Variants in NALF1 observed in about 807,000 individuals in gnomAD.
The protein encoded by NALF1 is family with sequence similarity 155 member A.
In NALF1, 3 loss-of-function variants were observed where a neutral mutation model predicts 48.4. The observed-to-expected ratio is 0.06, with a 90% CI of 0.03 to 0.16. The LOEUF (loss-of-function observed/expected upper bound fraction) is 0.16, where lower values mean the gene tolerates loss of function less well. Ranked by LOEUF, NALF1 falls within the 10% of genes least tolerant of loss-of-function variation. The probability of loss-of-function intolerance (pLI) is 1.00; values close to 1 mark genes in which losing one functional copy is unlikely to be tolerated. For missense variants in NALF1, 526 were observed against 571.5 expected, an observed-to-expected ratio of 0.92 and a Z score of 0.81; for synonymous variants, 262 against 245.7, an observed-to-expected ratio of 1.07 and a Z score of -0.62.
At chr13:107,496,245 C>T (rs898564009) in intron 1 of NALF1, among the ~76,000 whole-genome samples, 1 of 152,120 alleles carries the variant, frequency 6.6e-6, no homozygotes, top group Non-Finnish European at 1.5e-5. Flanking sequence ...AAATATCAGA[C>T]ATTTTAGGCA....
intron 1 of NALF1, among the ~76,000 whole-genome samples, chr13:107,756,293 A>G (rs980500335): frequency 1.3e-5 from 2 of 152,082 alleles, no homozygotes; most frequent in Non-Finnish European, 2.9e-5. Flanking sequence ...GTTCAGAGTG[A>G]CACCTGAATT....
At chr13:107,702,915 A>C (rs1881859032) in intron 1 of NALF1, among the ~76,000 whole-genome samples, 1 of 152,164 alleles carries the variant, frequency 6.6e-6, no homozygotes, top group Non-Finnish European at 1.5e-5. Context: ...CATGGTGTAT[A>C]TGTACCACCT....
At chr13:107,686,734 A>G (rs1480874980) in intron 1 of NALF1, among the ~76,000 whole-genome samples, 1 of 132,594 alleles carries the variant, frequency 7.5e-6, no homozygotes, top group African/African-American at 2.8e-5. Context: ...AATGCAAGTT[A>G]CAACCACAAT....
At chr13:107,308,449 G>A (rs751393825) in intron 1 of NALF1, among the ~76,000 whole-genome samples, 29 of 151,938 alleles carry the variant, frequency 1.9e-4, no homozygotes, top group African/African-American at 3.9e-4. Flanking sequence ...TGATCCGCCC[G>A]CCTCGGCCTC....
Position 107,166,765 on chromosome 13 carries a change from T to G in NALF1, c.*3732A>C, listed in dbSNP as rs553741987. ...CTCATTCCCCGACTCTATCCCTCCC[T>G]TCTTCCCTCCCTCCCTCACTCCCCT... On this transcript the variant is annotated 3_prime_UTR_variant, in exon 3 of 3. Transcript: ENST00000375915. 1.1e-4 allele frequency: 16 copies of G among 152,010 alleles called. No homozygotes were observed. The highest frequency in any genetic ancestry group is 3.9e-4 in the African/African-American group (16 of 41,510). 9.4% of individuals were successfully genotyped at this position (152,010 alleles called of 1,614,324 possible).
chr13:107,851,011 C>CT (rs1350792543), intron 1 of NALF1, among the ~76,000 whole-genome samples: 1 of 152,152 alleles, frequency 6.6e-6, no homozygotes, highest in African/African-American at 2.4e-5. Flanking sequence ...AACAATCCTG[C>CT]TTCTCTGCAC....
intron 1 of NALF1, among the ~76,000 whole-genome samples, chr13:107,614,329 T>A (rs527354470): frequency 6.6e-6 from 1 of 152,282 alleles, no homozygotes; most frequent in East Asian, 1.9e-4. Context: ...GTACATGTGT[T>A]CTTGTTAAAC....
chr13:107,200,211 G>A (rs1303003888), intron 2 of NALF1, among the ~76,000 whole-genome samples: 1 of 152,176 alleles, frequency 6.6e-6, no homozygotes, highest in Non-Finnish European at 1.5e-5. Flanking sequence ...ACTCCCCCTT[G>A]GGGGTCAGGG....
intron 1 of NALF1, among the ~76,000 whole-genome samples, chr13:107,334,466 C>A (rs1218147158): frequency 6.6e-6 from 1 of 152,082 alleles, no homozygotes; most frequent in Non-Finnish European, 1.5e-5. Flanking sequence ...TCCTTCATAT[C>A]TTCTTTGATT....
intron 1 of NALF1, among the ~76,000 whole-genome samples, chr13:107,340,530 T>C (rs1303827738): frequency 2.7e-5 from 4 of 149,648 alleles, no homozygotes; most frequent in Admixed American, 6.8e-5. Context: ...CTCTCTTTTT[T>C]TTTTTAATAT....
intron 1 of NALF1, among the ~76,000 whole-genome samples, chr13:107,841,525 A>C (rs1394995472): frequency 6.6e-6 from 1 of 152,154 alleles, no homozygotes; most frequent in Non-Finnish European, 1.5e-5. Context: ...AAATATTATA[A>C]GTCATGGATG....
intron 1 of NALF1, among the ~76,000 whole-genome samples, chr13:107,619,835 A>C (rs762356315): frequency 2.0e-5 from 3 of 152,188 alleles, no homozygotes; most frequent in Non-Finnish European, 4.4e-5. Context: ...ACCATGTCAT[A>C]TGATACGATT....
At chr13:107,596,613 T>C (rs989434558) in intron 1 of NALF1, among the ~76,000 whole-genome samples, 3 of 151,184 alleles carry the variant, frequency 2.0e-5, no homozygotes, top group African/African-American at 4.9e-5. Flanking sequence ...TAAGTGGGAG[T>C]TGAACAACGA....
In NALF1 at chr13:107,385,538, G is replaced by A. The variant is rs866896282; in HGVS notation, c.916-174783C>T. Among the ~76,000 whole-genome samples, 26 of 136,996 alleles carry A rather than the reference G, an allele frequency of 1.9e-4. No homozygotes were observed. The South Asian group carries it at 4.3e-3, about 23-fold the overall frequency. 89.9% of individuals were successfully genotyped at this position (136,996 alleles called of 152,430 possible). On this transcript the variant is annotated intron_variant, in intron 1 of 2. Coordinates refer to ENST00000375915, the MANE Select transcript of NALF1 (RefSeq NM_001080396.3). ...ACTGCACTCCAGCCTGGGTGCCAGA[G>A]CGAGATTCCATCTCAAAAAAAAAAA...
chr13:107,278,723 CT>C (rs1395802732), intron 1 of NALF1, among the ~76,000 whole-genome samples: 2 of 152,040 alleles, frequency 1.3e-5, no homozygotes, highest in Non-Finnish European at 2.9e-5. Context: ...GCATTTTTGC[CT>C]GATCCTAGTA....
At chr13:107,753,494 CTT>C (rs200846121) in intron 1 of NALF1, among the ~76,000 whole-genome samples, 210 of 136,882 alleles carry the variant, frequency 1.5e-3, no homozygotes, top group African/African-American at 2.5e-3. Context: ...CCAAGGCAGT[CTT>C]TTTTTTTTTT....
At chr13:107,210,444 T>C in intron 2 of NALF1, 140 bp downstream of exon 2, 1 of 629,680 alleles carries the variant, frequency 1.6e-6, no homozygotes, top group Non-Finnish European at 2.8e-6. Context: ...TTTCGGTGCT[T>C]CTATTAGTGA....
chr13:107,323,495 A>T (rs1028650807), intron 1 of NALF1, among the ~76,000 whole-genome samples: 13 of 151,892 alleles, frequency 8.6e-5, no homozygotes, highest in Non-Finnish European at 1.3e-4. Flanking sequence ...GCCACCTCAA[A>T]TTTTTTTTCT....
At chr13:107,737,990 C>T (rs1490434706) in intron 1 of NALF1, among the ~76,000 whole-genome samples, 1 of 152,032 alleles carries the variant, frequency 6.6e-6, no homozygotes, top group Non-Finnish European at 1.5e-5. Flanking sequence ...AAAAAAGCAG[C>T]AAAGATGGGT....
Sources: allele counts gnomAD v4.1 joint callset (sites outside exome capture counted in the v4.1 genomes callset), GRCh38; gene constraint gnomAD v4.1.1; transcripts MANE v1.5; gene names NCBI Gene and HGNC (gene_info 2026-07-23, HGNC 2026-07-21).